Variants in PRR16 observed in about 807,000 individuals in gnomAD.
PRR16 encodes proline rich 16, also known as protein Largen.
Under a neutral mutation model 18.2 loss-of-function variants are expected in PRR16, and 6 were observed. That is an observed-to-expected ratio of 0.33 (90% CI 0.18 to 0.65). PRR16 has a LOEUF of 0.65. Among genes scored for constraint, PRR16 ranks in the 30% least tolerant of loss-of-function variants. The pLI, the probability that PRR16 is intolerant of heterozygous loss-of-function variation, is 0.74. For synonymous variants in PRR16, 151 were observed against 147.8 expected, an observed-to-expected ratio of 1.02 and a Z score of -0.16; for missense variants, 412 against 376.6, an observed-to-expected ratio of 1.09 and a Z score of -0.78.
At chr5:120,781,653 C>T in the PRR16 span, 1 of 152,090 alleles carries the variant, frequency 6.6e-6, no homozygotes, top group Non-Finnish European at 1.5e-5. Context: ...CCCAGTATGA[C>T]AAGGAGCCAT....
At position 120,605,448 on chromosome 5, in the gene PRR16, T is replaced by C. The variant is rs567073398; in HGVS notation, c.160-80506T>C. Among the ~76,000 whole-genome samples the C allele has an allele frequency of 1.1e-4, 16 of 152,314 alleles. No individual in the cohort carries two copies. The East Asian group carries it at 1.9e-3, about 18-fold the overall frequency. On this transcript the variant is annotated intron_variant, in intron 1 of 1. Coordinates refer to ENST00000407149, the MANE Select transcript of PRR16 (RefSeq NM_001300783.2). Reference sequence around the variant, plus strand: ...GAATTGTTTTACTGATTTCCTTTGATTGGGTTTAAACTTTGTCCTGTATCT... The same window carrying C: ...GAATTGTTTTACTGATTTCCTTTGACTGGGTTTAAACTTTGTCCTGTATCT...
At chr5:120,665,824 T>A (rs950212558) in intron 1 of PRR16, among the ~76,000 whole-genome samples, 6 of 152,180 alleles carry the variant, frequency 3.9e-5, no homozygotes, top group Non-Finnish European at 7.3e-5. Flanking sequence ...TATATCTCTG[T>A]TTTGGTACCA....
At chr5:120,500,303 C>A (rs1372921226) in intron 1 of PRR16, among the ~76,000 whole-genome samples, 1 of 152,166 alleles carries the variant, frequency 6.6e-6, no homozygotes, top group Non-Finnish European at 1.5e-5. Context: ...CAAGGGAACT[C>A]ACCATCTCTT....
At chr5:120,757,252 A>G in the PRR16 span, among the ~76,000 whole-genome samples, 10 of 152,200 alleles carry the variant, frequency 6.6e-5, no homozygotes, top group South Asian at 2.1e-3. Flanking sequence ...GGGTAACATG[A>G]TGCCTCTGGC....
intron 1 of PRR16, among the ~76,000 whole-genome samples, chr5:120,681,790 G>A (rs1299632376): frequency 6.6e-6 from 1 of 152,116 alleles, no homozygotes; most frequent in Non-Finnish European, 1.5e-5. Flanking sequence ...TGGGACCACT[G>A]TTACTTGTGG....
intron 1 of PRR16, chr5:120,465,563 A>C (rs1749049256): frequency 6.6e-6 from 1 of 151,852 alleles, no homozygotes; most frequent in African/African-American, 2.4e-5. Flanking sequence ...AGGCTGCGTA[A>C]CTCAGGCGGC....
chr5:120,487,078 C>T (rs1198246765), intron 1 of PRR16, among the ~76,000 whole-genome samples: 36 of 152,212 alleles, frequency 2.4e-4, no homozygotes, highest in Admixed American at 5.9e-4. Context: ...AGTCAGGTAG[C>T]GTGATGCCTC....
chr5:120,740,589 T>C, the PRR16 span, among the ~76,000 whole-genome samples: 2 of 152,178 alleles, frequency 1.3e-5, no homozygotes, highest in African/African-American at 2.4e-5. Context: ...TACTTTTGTA[T>C]GACTATATCA....
chr5:120,498,077 GTTTGT>G (rs938786863), intron 1 of PRR16, among the ~76,000 whole-genome samples: 2 of 150,802 alleles, frequency 1.3e-5, no homozygotes, highest in African/African-American at 4.9e-5. Flanking sequence ...TTGTTTTTGT[GTTTGT>G]TTTGTTTTTG....
chr5:120,550,729 A>G (rs1752227752), intron 1 of PRR16, among the ~76,000 whole-genome samples: 1 of 151,968 alleles, frequency 6.6e-6, no homozygotes, highest in African/African-American at 2.4e-5. Flanking sequence ...TTCCACCATT[A>G]TTTTGTGTTT....
chr5:120,572,635 A>G (rs919175825), intron 1 of PRR16, among the ~76,000 whole-genome samples: 1 of 152,138 alleles, frequency 6.6e-6, no homozygotes, highest in Non-Finnish European at 1.5e-5. Flanking sequence ...ATGGGACTAC[A>G]TGAGTTTCAT....
chr5:120,644,901 CT>C (rs1755538823), intron 1 of PRR16, among the ~76,000 whole-genome samples: 1 of 152,090 alleles, frequency 6.6e-6, no homozygotes, highest in African/African-American at 2.4e-5. Flanking sequence ...ACAAAGCCTT[CT>C]TACCTGGTCA....
chr5:120,683,964 G>GA (rs1757046978), intron 1 of PRR16, among the ~76,000 whole-genome samples: 4 of 150,926 alleles, frequency 2.7e-5, no homozygotes, highest in Admixed American at 2.6e-4. Flanking sequence ...CTACTGAAAT[G>GA]AAAAAAAGCA....
chr5:120,522,089 G>T (rs1191221871), intron 1 of PRR16, among the ~76,000 whole-genome samples: 1 of 152,152 alleles, frequency 6.6e-6, no homozygotes, highest in Non-Finnish European at 1.5e-5. Context: ...CATTTGGGTT[G>T]GTTCCAAGTC....
intron 1 of PRR16, among the ~76,000 whole-genome samples, chr5:120,638,463 A>C (rs1181923174): frequency 3.9e-5 from 6 of 152,156 alleles, no homozygotes. Context: ...TCAATATGAT[A>C]ATACCACTGT....
the PRR16 span, among the ~76,000 whole-genome samples, chr5:120,717,204 A>G: frequency 6.6e-6 from 1 of 152,322 alleles, no homozygotes; most frequent in Middle Eastern, 3.4e-3. Context: ...AAAAAGTACA[A>G]ACACTTTAAG....
chr5:120,686,580 A>G lies in PRR16; in HGVS notation c.786A>G (p.Leu262=), dbSNP rs780711618. ...CACCCCATCTCCCTCCTTTCCCACT[A>G]GAAAATGGGGGAATGGGAATAAGCC... ...PPTPHLPPFP[L]ENGGMGISHS... Residue 262 remains leucine, a synonymous_variant, in exon 2 of 2, where the codon CTA becomes CTG. Transcript: ENST00000407149. The G allele has an allele frequency of 6.2e-7, 1 of 1,613,706 alleles. No homozygotes were observed. Among genetic ancestry groups the G allele is most frequent in the Non-Finnish European group, 8.5e-7 (1 of 1,179,844 alleles).
chr5:120,736,715 C>T, the PRR16 span, among the ~76,000 whole-genome samples: 1 of 151,904 alleles, frequency 6.6e-6, no homozygotes, highest in South Asian at 2.1e-4. Flanking sequence ...TTTCAATCAT[C>T]TCATGAACAT....
At chr5:120,620,988 A>G (rs550657944) in intron 1 of PRR16, among the ~76,000 whole-genome samples, 20 of 152,126 alleles carry the variant, frequency 1.3e-4, no homozygotes, top group Non-Finnish European at 2.4e-4. Flanking sequence ...AGTTTTCTCT[A>G]TGTCAGTAAA....
Sources: allele counts gnomAD v4.1 joint callset (sites outside exome capture counted in the v4.1 genomes callset), GRCh38; gene constraint gnomAD v4.1.1; transcripts MANE v1.5; gene names NCBI Gene and HGNC (gene_info 2026-07-23, HGNC 2026-07-21).